Variants in KLF12 observed in about 807,000 individuals in gnomAD.
KLF12 encodes the protein KLF transcription factor 12.
Under a neutral mutation model 37.8 loss-of-function variants are expected in KLF12, and 9 were observed. The ratio of observed to expected loss-of-function variants is 0.24; its 90% confidence interval spans 0.14 to 0.42. KLF12 has a LOEUF of 0.42. Among genes scored for constraint, KLF12 ranks in the 10% least tolerant of loss-of-function variants. The pLI is 1.00. For missense variants in KLF12, 411 were observed against 516.0 expected (o/e 0.80, Z 1.97); for synonymous variants, 208 against 202.1 (o/e 1.03, Z -0.25).
chr13:74,155,111 A>G, the KLF12 span, among the ~76,000 whole-genome samples: 1 of 152,100 alleles, frequency 6.6e-6, no homozygotes, highest in Non-Finnish European at 1.5e-5. Flanking sequence ...TTCTGCGTAC[A>G]GTTCTCTCAC....
At chr13:74,086,173 G>C (rs142785028) in intron 1 of KLF12, among the ~76,000 whole-genome samples, 3,456 of 151,382 alleles carry the variant, frequency 0.023, 127 homozygotes, top group African/African-American at 0.074. Flanking sequence ...CAATGTGCAG[G>C]TTAGTTACAT....
At chr13:74,034,523 ATTTAAACTGACAAAACT>A (rs1484715009) in intron 1 of KLF12, among the ~76,000 whole-genome samples, 1 of 152,212 alleles carries the variant, frequency 6.6e-6, no homozygotes, top group African/African-American at 2.4e-5. Context: ...ATAGTTCGCC[ATTTAAACTGACAAAACT>A]TTTATTATAA....
At chr13:73,857,435 CAT>C (rs1885665237) in intron 3 of KLF12, among the ~76,000 whole-genome samples, 1 of 152,160 alleles carries the variant, frequency 6.6e-6, no homozygotes, top group South Asian at 2.1e-4. Flanking sequence ...AGGGAAACTT[CAT>C]ATGTTAAAAT....
At chr13:74,095,376 G>A (rs535791552) in intron 1 of KLF12, among the ~76,000 whole-genome samples, 1 of 139,202 alleles carries the variant, frequency 7.2e-6, no homozygotes, top group South Asian at 2.5e-4. Flanking sequence ...TACTTGTAGT[G>A]CCTTTTTTAT....
At chr13:73,739,606 A>G (rs1311893746) in intron 6 of KLF12, among the ~76,000 whole-genome samples, 1 of 151,622 alleles carries the variant, frequency 6.6e-6, no homozygotes, top group African/African-American at 2.4e-5. Flanking sequence ...AGAAATGAGC[A>G]TGCCCATGTA....
chr13:74,273,263 T>C, the KLF12 span, among the ~76,000 whole-genome samples: 6 of 152,306 alleles, frequency 3.9e-5, no homozygotes, highest in East Asian at 9.6e-4. Context: ...TTATTGAATA[T>C]GAAAATGTGA....
intron 4 of KLF12, among the ~76,000 whole-genome samples, chr13:73,837,447 G>A (rs930159751): frequency 3.3e-5 from 5 of 152,086 alleles, no homozygotes; most frequent in Middle Eastern, 3.4e-3. Flanking sequence ...GCCCAGAAGT[G>A]AAAAAATGCA....
At chr13:73,934,939 G>T (rs1889855393) in intron 3 of KLF12, among the ~76,000 whole-genome samples, 1 of 140,832 alleles carries the variant, frequency 7.1e-6, no homozygotes, top group African/African-American at 2.6e-5. Flanking sequence ...CTTTATTTTG[G>T]ATAGGTTTTT....
intron 3 of KLF12, among the ~76,000 whole-genome samples, chr13:73,865,659 G>A (rs1323424134): frequency 6.6e-6 from 1 of 151,974 alleles, no homozygotes; most frequent in Non-Finnish European, 1.5e-5. Flanking sequence ...AAACTAAAAG[G>A]AGAGAAATAG....
At chr13:73,940,499 T>C (rs1319906489) in intron 3 of KLF12, among the ~76,000 whole-genome samples, 2 of 152,140 alleles carry the variant, frequency 1.3e-5, no homozygotes, top group Non-Finnish European at 2.9e-5. Flanking sequence ...GGCTACGAGA[T>C]GAGGACTCCT....
At chr13:73,991,852 C>T (rs139884984) in intron 2 of KLF12, among the ~76,000 whole-genome samples, 272 of 152,264 alleles carry the variant, frequency 1.8e-3, no homozygotes, top group African/African-American at 6.0e-3. Context: ...CTATCCTGTG[C>T]GAAGAAAGAG....
At chr13:74,214,262 C>A in the KLF12 span, among the ~76,000 whole-genome samples, 121 of 151,732 alleles carry the variant, frequency 8.0e-4, no homozygotes, top group African/African-American at 2.8e-3. Flanking sequence ...CCACCCCTAG[C>A]CCTTGGAAAC....
At chr13:73,767,633 T>C (rs1477488874) in intron 5 of KLF12, among the ~76,000 whole-genome samples, 1 of 152,226 alleles carries the variant, frequency 6.6e-6, no homozygotes, top group Admixed American at 6.5e-5. Context: ...ATTAGGGCCA[T>C]GTGTACCAAC....
chr13:73,702,524 G>C (rs546922174), intron 7 of KLF12, among the ~76,000 whole-genome samples: 77 of 152,248 alleles, frequency 5.1e-4, no homozygotes, highest in Non-Finnish European at 1.1e-3. Context: ...GTTTGAAAAA[G>C]CCTGTGTTAA....
At chr13:74,186,719 A>T in the KLF12 span, among the ~76,000 whole-genome samples, 1 of 152,152 alleles carries the variant, frequency 6.6e-6, no homozygotes, top group African/African-American at 2.4e-5. Context: ...ACCTACATTT[A>T]AAAAAATAGT....
chr13:73,790,391 C>A (rs1218690754), intron 5 of KLF12, among the ~76,000 whole-genome samples: 1 of 152,028 alleles, frequency 6.6e-6, no homozygotes, highest in Non-Finnish European at 1.5e-5. Context: ...CATCAGTCTG[C>A]TTTGGCCAAT....
intron 2 of KLF12, among the ~76,000 whole-genome samples, chr13:73,980,860 T>C (rs534726542): frequency 6.6e-6 from 1 of 152,240 alleles, no homozygotes; most frequent in South Asian, 2.1e-4. Context: ...TAAACAGTAC[T>C]ATTTAGGAAC....
At chr13:74,254,208 A>G in the KLF12 span, among the ~76,000 whole-genome samples, 1 of 152,190 alleles carries the variant, frequency 6.6e-6, no homozygotes, top group Non-Finnish European at 1.5e-5. Context: ...CTAAATGTCC[A>G]CATAGTCTTT....
In KLF12 at chr13:73,947,648, C is replaced by CAAAAA. The variant is rs11378611; in HGVS notation, c.34-3583_34-3579dup. Among the ~76,000 whole-genome samples, 171 of 84,946 alleles carry CAAAAA rather than the reference C, an allele frequency of 2.0e-3. 2 individuals carry two copies. The highest frequency in any genetic ancestry group is 6.2e-3 in the East Asian group (18 of 2,898). The allele number at this position is 84,946 out of a possible 152,430, so 55.7% of individuals were successfully genotyped here. A position where few individuals can be genotyped will look rare whatever the true frequency, so the allele number is the denominator to read the frequency against. The stretch of plus-strand genomic sequence containing the variant: ...CCTGAGCGACAGAGGGAGACGGTCT[C>CAAAAA]AAAAAAAAAAAAAAAAAAAAGAGTT... On this transcript the variant is annotated intron_variant, in intron 2 of 7. Coordinates refer to ENST00000377669, the MANE Select transcript of KLF12 (RefSeq NM_007249.5).
Sources: allele counts gnomAD v4.1 joint callset (sites outside exome capture counted in the v4.1 genomes callset), GRCh38; gene constraint gnomAD v4.1.1; transcripts MANE v1.5; gene names NCBI Gene and HGNC (gene_info 2026-07-23, HGNC 2026-07-21).